Variants in MICU1 observed in about 807,000 individuals in gnomAD.
MICU1 encodes the protein mitochondrial calcium uptake 1.
In MICU1, 45 loss-of-function variants were observed where a neutral mutation model predicts 56.8. The observed-to-expected ratio is 0.79, with a 90% CI of 0.62 to 1.02. The LOEUF (loss-of-function observed/expected upper bound fraction) is 1.02. Ranked by LOEUF, MICU1 falls within the 50% of genes least tolerant of loss-of-function variation. The probability of loss-of-function intolerance (pLI) is 0.00; values close to 1 mark genes in which losing one functional copy is unlikely to be tolerated. For missense variants in MICU1, 504 were observed against 587.1 expected (o/e 0.86, Z 1.46); for synonymous variants, 186 against 195.1 (o/e 0.95, Z 0.39).
chr10:72,550,670 C>A (rs774477395), intron 4 of MICU1, among the ~76,000 whole-genome samples: 1 of 152,086 alleles, frequency 6.6e-6, no homozygotes, highest in Non-Finnish European at 1.5e-5. Context: ...TTAGATCATT[C>A]TTCTTTTTAA....
At chr10:72,541,155 CAAGAGCCCGGGAATTGGAGGAA>C (rs1272345193) in intron 4 of MICU1, among the ~76,000 whole-genome samples, 1 of 152,222 alleles carries the variant, frequency 6.6e-6, no homozygotes, top group East Asian at 1.9e-4. Context: ...CATTCCCGGG[CAAGAGCCCGGGAATTGGAGGAA>C]TTTAGACTAT....
intron 8 of MICU1, among the ~76,000 whole-genome samples, chr10:72,461,747 T>G (rs567631216): frequency 2.0e-5 from 3 of 152,166 alleles, no homozygotes; most frequent in Non-Finnish European, 4.4e-5. Flanking sequence ...GTCAGGAGTT[T>G]GAGACCAGCC....
rs539448324 is a variant in MICU1 at position 72,400,913 on chromosome 10, A to G, written c.1180+7016T>C. On this transcript the variant is annotated intron_variant, in intron 10 of 11. Transcript: ENST00000361114. ...CACACACACACACACACCCTATATGATATCATTAACTTGTTTTTCAAAAGA... is the reference window on the plus strand; with the variant it reads ...CACACACACACACACACCCTATATGGTATCATTAACTTGTTTTTCAAAAGA... Among the ~76,000 whole-genome samples, 12 of 151,160 alleles carry G rather than the reference A, an allele frequency of 7.9e-5. No homozygotes were observed. In the South Asian group the frequency reaches 2.5e-3, roughly 32 times the overall value.
intron 1 of MICU1, among the ~76,000 whole-genome samples, chr10:72,571,888 T>TA (rs536817855): frequency 8.2e-5 from 12 of 146,834 alleles, no homozygotes; most frequent in East Asian, 5.9e-4. Context: ...ACCCCACCTC[T>TA]AAAAAAAAAA....
chr10:72,604,403 A>G (rs1034837949), intron 1 of MICU1, among the ~76,000 whole-genome samples: 2 of 150,502 alleles, frequency 1.3e-5, no homozygotes, highest in Admixed American at 1.3e-4. Context: ...CCTTCTGAGT[A>G]GCTGGGATTA....
At chr10:72,420,997 C>G (rs1255589441) in intron 9 of MICU1, among the ~76,000 whole-genome samples, 2 of 89,144 alleles carry the variant, frequency 2.2e-5, no homozygotes, top group African/African-American at 9.2e-5. Flanking sequence ...AGCGAAACTC[C>G]GTCTCAAAAA....
chr10:72,600,706 A>G (rs1239961627), intron 1 of MICU1, among the ~76,000 whole-genome samples: 2 of 152,138 alleles, frequency 1.3e-5, no homozygotes, highest in Non-Finnish European at 2.9e-5. Flanking sequence ...CACACCTTAA[A>G]CTGCAAACGT....
At chr10:72,545,814 T>C (rs2132433115) in intron 4 of MICU1, among the ~76,000 whole-genome samples, 1 of 152,296 alleles carries the variant, frequency 6.6e-6, no homozygotes, top group South Asian at 2.1e-4. Context: ...CATTTCAAAA[T>C]GTGTCAAAGA....
intron 8 of MICU1, among the ~76,000 whole-genome samples, chr10:72,471,342 C>T (rs137893627): frequency 0.027 from 4,166 of 152,296 alleles, 185 homozygotes; most frequent in African/African-American, 0.096. Context: ...CCTTGGACTC[C>T]CAAAGTGCTG....
intron 1 of MICU1, chr10:72,583,142 CA>C (rs1840949890): frequency 6.6e-6 from 1 of 150,988 alleles, no homozygotes; most frequent in Non-Finnish European, 1.5e-5. Flanking sequence ...AAAAAAAAAG[CA>C]AGGGCTACAA....
chr10:72,537,420 C>T (rs113520061), intron 4 of MICU1, among the ~76,000 whole-genome samples: 1 of 152,190 alleles, frequency 6.6e-6, no homozygotes, highest in Non-Finnish European at 1.5e-5. Flanking sequence ...AAAAACAATA[C>T]TTAGGTGACT....
intron 8 of MICU1, among the ~76,000 whole-genome samples, chr10:72,471,413 C>G (rs1381034838): frequency 6.6e-6 from 1 of 152,140 alleles, no homozygotes; most frequent in Non-Finnish European, 1.5e-5. Context: ...GGGCTTTCAA[C>G]TCTATAGCAT....
chr10:72,612,773 C>T (rs1841884573), intron 1 of MICU1, among the ~76,000 whole-genome samples: 1 of 151,562 alleles, frequency 6.6e-6, no homozygotes, highest in Admixed American at 6.6e-5. Context: ...TGTACTCTAG[C>T]CTGGGTGACA....
intron 9 of MICU1, among the ~76,000 whole-genome samples, chr10:72,416,666 T>C (rs904173830): frequency 1.3e-5 from 2 of 152,168 alleles, no homozygotes; most frequent in Non-Finnish European, 2.9e-5. Flanking sequence ...AGGAAACACT[T>C]AGCAAAAGCA....
At position 72,588,658 on chromosome 10, in the gene MICU1, AAC is replaced by A. The variant is rs530780359; in HGVS notation, c.-1-21866_-1-21865del. ...AAATGATACGATAGTAAACCTGGAAAACACAGTTTCCCAAACCATGGCACTAT... is the reference window on the plus strand; with the variant it reads ...AAATGATACGATAGTAAACCTGGAAAACAGTTTCCCAAACCATGGCACTAT... On this transcript the variant is annotated intron_variant, in intron 1 of 11. Coordinates refer to ENST00000361114, the MANE Select transcript of MICU1 (RefSeq NM_001195518.2). Among the ~76,000 whole-genome samples, 159 of 152,330 alleles carry A rather than the reference AAC, an allele frequency of 1.0e-3. 1 individual carries two copies. The Middle Eastern group carries it at 0.014, about 13-fold the overall frequency.
chr10:72,528,853 T>A (rs1839396928), intron 5 of MICU1: 1 of 160,494 alleles, frequency 6.2e-6, no homozygotes, highest in Admixed American at 6.4e-5. Context: ...TGTGTTCATA[T>A]TCTCTTTAGA....
chr10:72,518,028 TTTC>T (rs1468630964), intron 5 of MICU1, among the ~76,000 whole-genome samples: 7 of 151,642 alleles, frequency 4.6e-5, no homozygotes, highest in Non-Finnish European at 8.8e-5. Flanking sequence ...GTTGTTTTCT[TTTC>T]TTCTTTTTTT....
intron 8 of MICU1, among the ~76,000 whole-genome samples, chr10:72,446,277 G>A (rs1865101020): frequency 6.6e-6 from 1 of 152,088 alleles, no homozygotes; most frequent in South Asian, 2.1e-4. Context: ...TTCTTTATAT[G>A]TATGTACAAG....
At chr10:72,578,478 G>A (rs573502492) in intron 1 of MICU1, among the ~76,000 whole-genome samples, 9 of 149,806 alleles carry the variant, frequency 6.0e-5, no homozygotes, top group African/African-American at 7.4e-5. Context: ...TTGGCCAGGC[G>A]GGCCTCGAAT....
Sources: gnomAD v4.1 joint callset for allele counts (sites outside exome capture counted in the v4.1 genomes callset) on GRCh38, gnomAD v4.1.1 for gene constraint, MANE v1.5 for transcripts, NCBI Gene and HGNC (gene_info 2026-07-23, HGNC 2026-07-21) for gene names.